Variants in SDK1 observed in about 807,000 individuals in gnomAD.
SDK1 encodes the protein sidekick cell adhesion molecule 1.
A neutral mutation model predicts 245.5 loss-of-function variants in SDK1; 157 were observed. The observed-to-expected ratio is 0.64, with a 90% CI of 0.56 to 0.73. The LOEUF (loss-of-function observed/expected upper bound fraction) is 0.73. Among genes scored for constraint, SDK1 ranks in the 30% least tolerant of loss-of-function variants. SDK1 has a pLI of 0.00. For synonymous variants in SDK1, 1,647 were observed against 1,278.5 expected (o/e 1.29, Z -6.15); for missense variants, 3,583 against 3,002.3 (o/e 1.19, Z -4.52).
intron 1 of SDK1, among the ~76,000 whole-genome samples, chr7:3,463,338 A>G (rs572954559): frequency 1.3e-5 from 2 of 151,866 alleles, no homozygotes; most frequent in African/African-American, 4.8e-5. Context: ...TATAGTTAGG[A>G]CTCACATATT....
intron 5 of SDK1, among the ~76,000 whole-genome samples, chr7:3,865,961 G>C (rs1780811459): frequency 6.6e-6 from 1 of 152,236 alleles, no homozygotes. Flanking sequence ...AAAGCAGAGA[G>C]AGCAGCAGCG....
intron 1 of SDK1, among the ~76,000 whole-genome samples, chr7:3,429,080 A>G (rs1779757518): frequency 6.6e-6 from 1 of 152,196 alleles, no homozygotes. Flanking sequence ...GTAAGTAGTC[A>G]AATTTGAAAG....
chr7:4,142,848 T>C (rs1040130785), intron 28 of SDK1, among the ~76,000 whole-genome samples: 1 of 152,240 alleles, frequency 6.6e-6, no homozygotes, highest in African/African-American at 2.4e-5. Flanking sequence ...CAATATTGAA[T>C]GTCTTTAGAC....
At chr7:4,049,552 C>A in intron 18 of SDK1, 89 bp downstream of exon 18, 2 of 969,288 alleles carry the variant, frequency 2.1e-6, no homozygotes, top group Admixed American at 2.0e-5. Flanking sequence ...TCTTGTGTAT[C>A]AAGAGCTGGT....
intron 1 of SDK1, among the ~76,000 whole-genome samples, chr7:3,563,915 C>T (rs751640113): frequency 6.6e-5 from 10 of 151,788 alleles, no homozygotes; most frequent in South Asian, 4.2e-4. Context: ...CCCAAAAAAC[C>T]GCTTGTGGTT....
intron 22 of SDK1, among the ~76,000 whole-genome samples, chr7:4,099,182 G>A (rs984035941): frequency 1.1e-4 from 16 of 151,884 alleles, no homozygotes; most frequent in African/African-American, 2.9e-4. Context: ...AGGAATGAAA[G>A]GCTCAGGGTT....
chr7:3,978,337 T>C (rs1783132314), intron 13 of SDK1, among the ~76,000 whole-genome samples: 1 of 152,234 alleles, frequency 6.6e-6, no homozygotes, highest in Non-Finnish European at 1.5e-5. Context: ...TTCCCTACTA[T>C]TTGCTTATTT....
chr7:3,656,999 G>A (rs939880769), intron 4 of SDK1, among the ~76,000 whole-genome samples: 4 of 151,384 alleles, frequency 2.6e-5, no homozygotes, highest in Admixed American at 1.3e-4. Flanking sequence ...CACCCGCCTC[G>A]GCCTCCCAAA....
chr7:3,746,538 C>G (rs1779626345), intron 4 of SDK1, among the ~76,000 whole-genome samples: 1 of 152,244 alleles, frequency 6.6e-6, no homozygotes, highest in Admixed American at 6.5e-5. Flanking sequence ...AATCCTGCTG[C>G]TGCTTTATCA....
rs1296137893 is a variant in SDK1, at chr7:4,266,659, C to T, written c.*1275C>T. ...TGAACTACTTTGGAAAACTTAACAG[C>T]TCAGAGATGGCCATGCCTCCAGCCC... is the stretch of plus-strand genomic sequence containing the variant. On this transcript the variant is annotated 3_prime_UTR_variant, in exon 45 of 45. Coordinates refer to ENST00000404826, the MANE Select transcript of SDK1 (RefSeq NM_152744.4). 1.0e-6 allele frequency: 1 copy of T among 985,364 alleles called. No homozygotes were observed. Among genetic ancestry groups the T allele is most frequent in the Non-Finnish European group, 1.2e-6 (1 of 829,950 alleles). The allele number at this position is 985,364 out of a possible 1,614,324, so 61.0% of individuals were successfully genotyped here.
At chr7:3,799,876 A>C (rs1779063812) in intron 4 of SDK1, among the ~76,000 whole-genome samples, 1 of 152,094 alleles carries the variant, frequency 6.6e-6, no homozygotes, top group South Asian at 2.1e-4. Flanking sequence ...GTGAATACTT[A>C]GTTCATGGGG....
chr7:3,804,702 A>G (rs1270873383), intron 4 of SDK1, among the ~76,000 whole-genome samples: 2 of 151,356 alleles, frequency 1.3e-5, no homozygotes, highest in African/African-American at 4.9e-5. Context: ...ACTCTTTATC[A>G]CTCTCCATTT....
intron 4 of SDK1, among the ~76,000 whole-genome samples, chr7:3,740,547 G>A (rs1038717309): frequency 6.6e-6 from 1 of 152,162 alleles, no homozygotes; most frequent in Non-Finnish European, 1.5e-5. Context: ...TTTGAAGGCA[G>A]CTTCTTGACA....
intron 14 of SDK1, among the ~76,000 whole-genome samples, chr7:4,004,603 CA>C (rs1426638521): frequency 6.6e-6 from 1 of 152,128 alleles, no homozygotes; most frequent in African/African-American, 2.4e-5. Flanking sequence ...TAAATACACA[CA>C]AAAATATAGC....
chr7:3,333,980 C>T (rs796073359), intron 1 of SDK1, among the ~76,000 whole-genome samples: 5 of 152,312 alleles, frequency 3.3e-5, no homozygotes, highest in African/African-American at 1.2e-4. Context: ...ACCACCTTGG[C>T]CGCTGTCCAC....
intron 2 of SDK1, among the ~76,000 whole-genome samples, chr7:3,622,365 C>T (rs1439373751): frequency 6.6e-6 from 1 of 152,070 alleles, no homozygotes; most frequent in East Asian, 1.9e-4. Flanking sequence ...CCTGTAATCC[C>T]AGCTACTTGG....
At chr7:3,495,787 C>T (rs759804826) in intron 1 of SDK1, among the ~76,000 whole-genome samples, 2 of 152,232 alleles carry the variant, frequency 1.3e-5, no homozygotes, top group Non-Finnish European at 2.9e-5. Context: ...CCAGTTCTAC[C>T]ACAGCTCTCT....
chr7:3,734,635 A>G (rs1779269554), intron 4 of SDK1, among the ~76,000 whole-genome samples: 1 of 152,232 alleles, frequency 6.6e-6, no homozygotes, highest in South Asian at 2.1e-4. Context: ...GTCAAATGAA[A>G]TAACCATTAA....
At position 3,431,085 on chromosome 7, in the gene SDK1, G is replaced by C. The variant is rs1313449677; in HGVS notation, c.298+129201G>C. On this transcript the variant is annotated intron_variant, in intron 1 of 44. Coordinates refer to ENST00000404826, the MANE Select transcript of SDK1 (RefSeq NM_152744.4). Reference sequence around the variant, plus strand: ...CTGGCTAATTTTTTTATTTTTCATAGAGACAGGGTTTCACCATGTTGGCCA... The same window carrying C: ...CTGGCTAATTTTTTTATTTTTCATACAGACAGGGTTTCACCATGTTGGCCA... Among the ~76,000 whole-genome samples the C allele has an allele frequency of 2.0e-5, 3 of 151,984 alleles. No individual in the cohort carries two copies. The East Asian group carries it at 5.8e-4, about 29-fold the overall frequency.
Sources: gnomAD v4.1 joint callset for allele counts (sites outside exome capture counted in the v4.1 genomes callset) on GRCh38, gnomAD v4.1.1 for gene constraint, MANE v1.5 for transcripts, NCBI Gene and HGNC (gene_info 2026-07-23, HGNC 2026-07-21) for gene names.